Variants in BBX observed in about 807,000 individuals in gnomAD.
The protein encoded by BBX is BBX high mobility group box domain containing.
A neutral mutation model predicts 100.2 loss-of-function variants in BBX; 30 were observed. The ratio of observed to expected loss-of-function variants is 0.30; its 90% CI spans 0.22 to 0.41. The LOEUF is 0.41. Ranked by LOEUF, BBX falls within the 10% of genes least tolerant of loss-of-function variation. The pLI, the probability that BBX is intolerant of heterozygous loss-of-function variation, is 1.00. For synonymous variants in BBX, 376 were observed against 388.1 expected, an observed-to-expected ratio of 0.97 and a Z score of 0.37; for missense variants, 1,023 against 1,129.8, an observed-to-expected ratio of 0.91 and a Z score of 1.35.
intron 2 of BBX, among the ~76,000 whole-genome samples, chr3:107,585,149 G>A (rs1201074799): frequency 6.6e-6 from 1 of 152,114 alleles, no homozygotes; most frequent in African/African-American, 2.4e-5. Flanking sequence ...CCACGTGGAG[G>A]AAACAATAAG....
intron 2 of BBX, among the ~76,000 whole-genome samples, chr3:107,605,301 C>G (rs1189152506): frequency 1.3e-5 from 2 of 151,478 alleles, no homozygotes; most frequent in Non-Finnish European, 2.9e-5. Flanking sequence ...GTAGCTGATG[C>G]AATTTGTCAT....
chr3:107,554,648 G>A (rs963889431), intron 2 of BBX, among the ~76,000 whole-genome samples: 1 of 152,132 alleles, frequency 6.6e-6, no homozygotes, highest in Admixed American at 6.5e-5. Context: ...TGATTCGTGA[G>A]TACTTATTTT....
At chr3:107,748,949 C>G (rs1175295085) in intron 9 of BBX, among the ~76,000 whole-genome samples, 1 of 151,804 alleles carries the variant, frequency 6.6e-6, no homozygotes. Context: ...AGAAGAAAAC[C>G]TAGCATCTTA....
Position 107,773,517 on chromosome 3 carries a change from G to A in BBX, c.1796G>A (p.Cys599Tyr). The change falls in exon 11 of 18, where the codon TGT (cysteine) becomes TAT (tyrosine). Residue 599 changes from cysteine to tyrosine, a missense_variant. Cys to Tyr is a radical substitution (Grantham distance 194). Coordinates refer to ENST00000325805, the MANE Select transcript of BBX (RefSeq NM_001142568.3). This position sits in a 1 kb window ranked among gnomAD's most constrained non-coding sequence, Gnocchi z 4.1. Reference protein sequence around the residue: ...SGQAKPEDSDCHRKIETCGSR... With the variant: ...SGQAKPEDSDYHRKIETCGSR... Reference sequence around the variant, plus strand: ...CAGGCCAAGCCTGAGGACAGTGACTGTCACAGAAAAATAGAAACTTGTGGT... The same window carrying A: ...CAGGCCAAGCCTGAGGACAGTGACTATCACAGAAAAATAGAAACTTGTGGT... The A allele has an allele frequency of 6.2e-7, 1 of 1,614,082 alleles. No homozygotes were observed. The highest frequency in any genetic ancestry group is 1.7e-5 in the Admixed American group (1 of 60,012).
intron 2 of BBX, among the ~76,000 whole-genome samples, chr3:107,587,016 G>T (rs1233077896): frequency 1.3e-5 from 2 of 151,936 alleles, no homozygotes; most frequent in Non-Finnish European, 2.9e-5. Flanking sequence ...CTTCCAAAGT[G>T]CTGGGATTAC....
At chr3:107,550,701 G>A (rs2049595279) in intron 2 of BBX, among the ~76,000 whole-genome samples, 1 of 152,136 alleles carries the variant, frequency 6.6e-6, no homozygotes, top group Admixed American at 6.5e-5. Context: ...TAGTTGCCAG[G>A]CCAACCATGT....
At chr3:107,525,698 C>G (rs2047714781) in intron 1 of BBX, among the ~76,000 whole-genome samples, 2 of 152,184 alleles carry the variant, frequency 1.3e-5, no homozygotes, top group Admixed American at 6.5e-5. Context: ...CTAGCTCCCC[C>G]CACCCCGACC....
chr3:107,666,471 G>A (rs2058747962), intron 3 of BBX, among the ~76,000 whole-genome samples: 2 of 152,154 alleles, frequency 1.3e-5, no homozygotes, highest in South Asian at 4.1e-4. Context: ...GAAAAGGGGG[G>A]AAACTTCTTT....
At chr3:107,557,983 C>T (rs979640405) in intron 2 of BBX, among the ~76,000 whole-genome samples, 2 of 152,212 alleles carry the variant, frequency 1.3e-5, no homozygotes, top group African/African-American at 4.8e-5. Context: ...ACCCAGGTCT[C>T]CAGAATCCTG....
intron 2 of BBX, among the ~76,000 whole-genome samples, chr3:107,584,923 C>T (rs576766626): frequency 6.6e-6 from 1 of 151,926 alleles, no homozygotes; most frequent in Non-Finnish European, 1.5e-5. Context: ...CTCAGATGAT[C>T]TGCCCACCTC....
intron 3 of BBX, among the ~76,000 whole-genome samples, chr3:107,706,467 GT>G (rs901234570): frequency 2.2e-4 from 33 of 150,554 alleles, no homozygotes; most frequent in Non-Finnish European, 3.6e-4. Flanking sequence ...ACATGGGTTG[GT>G]TTTTTTTTCA....
intron 6 of BBX, among the ~76,000 whole-genome samples, chr3:107,732,281 C>G (rs1197359519): frequency 6.6e-6 from 1 of 152,136 alleles, no homozygotes. Flanking sequence ...TTTATTTTCT[C>G]TGTTTATATT....
chr3:107,595,767 T>C (rs1465830360), intron 2 of BBX, among the ~76,000 whole-genome samples: 1 of 152,164 alleles, frequency 6.6e-6, no homozygotes, highest in African/African-American at 2.4e-5. Flanking sequence ...AAAATAAATT[T>C]CACAAACTTG....
intron 1 of BBX, chr3:107,523,556 C>G (rs548704018): frequency 6.6e-6 from 1 of 152,630 alleles, no homozygotes; most frequent in Non-Finnish European, 1.5e-5. Flanking sequence ...CGCCGGGGCG[C>G]GGGCTGGAGC....
At chr3:107,682,080 T>C (rs990253124) in intron 3 of BBX, among the ~76,000 whole-genome samples, 17 of 152,110 alleles carry the variant, frequency 1.1e-4, no homozygotes, top group African/African-American at 4.1e-4. Flanking sequence ...GTTGTAAAAG[T>C]GTACTTCACA....
At chr3:107,732,810 T>C in intron 6 of BBX, 146 bp from the exon 7 acceptor site, 1 of 643,184 alleles carries the variant, frequency 1.6e-6, no homozygotes, top group East Asian at 2.8e-5. Flanking sequence ...TACTGTTGCA[T>C]AAAGAGTTTT....
At chr3:107,654,141 T>A (rs951612300) in intron 3 of BBX, among the ~76,000 whole-genome samples, 9 of 152,150 alleles carry the variant, frequency 5.9e-5, no homozygotes, top group African/African-American at 2.2e-4. Context: ...ATACCAAACC[T>A]CTTTTTATAG....
At chr3:107,628,319 T>C (rs1437315878) in intron 2 of BBX, among the ~76,000 whole-genome samples, 2 of 152,028 alleles carry the variant, frequency 1.3e-5, no homozygotes, top group African/African-American at 4.8e-5. Flanking sequence ...CAGCTGATTA[T>C]AAATGAAAAT....
intron 2 of BBX, among the ~76,000 whole-genome samples, chr3:107,546,511 G>A (rs994965481): frequency 1.3e-5 from 2 of 152,086 alleles, no homozygotes; most frequent in South Asian, 2.1e-4. Flanking sequence ...TCTTTTTAGG[G>A]CTACATCATC....
Sources: gnomAD v4.1 joint callset for allele counts (sites outside exome capture counted in the v4.1 genomes callset) on GRCh38, gnomAD v4.1.1 for gene constraint, Gnocchi (gnomAD v3.1) non-coding constraint, MANE v1.5 for transcripts, NCBI Gene and HGNC (gene_info 2026-07-23, HGNC 2026-07-21) for gene names.